FBXO25: variants seen among roughly 807,000 people sequenced by gnomAD.
The protein encoded by FBXO25 is F-box only protein 25.
Under a neutral mutation model 51.9 loss-of-function variants are expected in FBXO25, and 45 were observed. That is an observed-to-expected ratio of 0.87 (90% CI 0.68 to 1.11). The LOEUF is 1.11. Among genes scored for constraint, FBXO25 ranks in the 50% most tolerant of loss-of-function variants. The pLI, the probability that FBXO25 is intolerant of heterozygous loss-of-function variation, is 0.00. For synonymous variants in FBXO25, 199 were observed against 151.0 expected (o/e 1.32, Z -2.33); for missense variants, 507 against 428.5 (o/e 1.18, Z -1.62).
chr8:411,892 G>A (rs1261847687), intron 1 of FBXO25, among the ~76,000 whole-genome samples: 2 of 152,286 alleles, frequency 1.3e-5, no homozygotes, highest in African/African-American at 2.4e-5. Flanking sequence ...AGAATCACCT[G>A]TGGACCTTTA....
rs1796577319 is a variant in FBXO25 at position 413,022 on chromosome 8, A to G, written c.-7-51A>G. The stretch of plus-strand genomic sequence containing the variant: ...ATTAATAAATGTTCTAAGTGAAAAG[A>G]AACTTTTATGAATTATATATACTTT... On this transcript the variant is annotated intron_variant, in intron 1 of 9. Transcript: ENST00000350302. The G allele has an allele frequency of 3.9e-6, 5 of 1,285,962 alleles. No individual in the cohort carries two copies. The South Asian group carries it at 1.0e-4, about 26-fold the overall frequency. The allele number at this position is 1,285,962 out of a possible 1,614,324, so 79.7% of individuals were successfully genotyped here. A position where few individuals can be genotyped will look rare whatever the true frequency, so the allele number is the denominator to read the frequency against.
chr8:435,048 C>T (rs539820913), intron 4 of FBXO25, among the ~76,000 whole-genome samples: 1 of 152,152 alleles, frequency 6.6e-6, no homozygotes, highest in African/African-American at 2.4e-5. Flanking sequence ...CACCTTCTTG[C>T]TACCGAAGCA....
intron 9 of FBXO25, among the ~76,000 whole-genome samples, chr8:464,463 A>G (rs1390638553): frequency 1.3e-5 from 2 of 152,220 alleles, no homozygotes; most frequent in African/African-American, 2.4e-5. Context: ...CCTGGTCTAG[A>G]TGAGGCCCTG....
rs1800390359 is a variant in FBXO25, at chr8:469,235, A to C, written c.*431A>C. On this transcript the variant is annotated 3_prime_UTR_variant, in exon 10 of 10. Transcript: ENST00000350302. ...TGATCCTTGTAAATACATTGTACAG[A>C]ATATTTATTTTTTCTCAAAATGCAT... 1 of 155,816 alleles carries C rather than the reference A, an allele frequency of 6.4e-6. No homozygotes were observed. Among genetic ancestry groups the C allele is most frequent in the Non-Finnish European group, 1.4e-5 (1 of 70,596 alleles). 9.7% of individuals were successfully genotyped at this position (155,816 alleles called of 1,614,324 possible). A position where few individuals can be genotyped will look rare whatever the true frequency, so the allele number is the denominator to read the frequency against.
intron 7 of FBXO25, among the ~76,000 whole-genome samples, chr8:455,350 G>C (rs1254722970): frequency 1.3e-5 from 2 of 152,202 alleles, no homozygotes; most frequent in African/African-American, 2.4e-5. Context: ...CAGTGAAATG[G>C]GAAGAATGAA....
At position 469,672 on chromosome 8, in the gene FBXO25, T is replaced by G. The variant is rs539861916; in HGVS notation, c.*868T>G. 3 of 152,224 alleles carry G rather than the reference T, an allele frequency of 2.0e-5. No homozygotes were observed. The highest frequency in any genetic ancestry group is 7.2e-5 in the African/African-American group (3 of 41,514). The allele number at this position is 152,224 out of a possible 1,614,324, so 9.4% of individuals were successfully genotyped here. A position where few individuals can be genotyped will look rare whatever the true frequency, so the allele number is the denominator to read the frequency against. On this transcript the variant is annotated 3_prime_UTR_variant, in exon 10 of 10. Transcript: ENST00000350302. ...TCGTTTTTAAAATAACGCATGTCCA[T>G]TTTAGAAAATTAGAAAATCAGTCCC...
intron 2 of FBXO25, among the ~76,000 whole-genome samples, chr8:426,907 G>T (rs1797523639): frequency 6.6e-6 from 1 of 152,126 alleles, no homozygotes; most frequent in African/African-American, 2.4e-5. Context: ...AGATATTTAG[G>T]AAGGAAATGT....
chr8:465,277 C>A (rs951152229), intron 9 of FBXO25, among the ~76,000 whole-genome samples: 10 of 152,182 alleles, frequency 6.6e-5, no homozygotes, highest in Admixed American at 2.0e-4. Context: ...ACTGTGTCTT[C>A]AGTCACAGAG....
chr8:410,364 A>G (rs2117395198), intron 1 of FBXO25, among the ~76,000 whole-genome samples: 1 of 152,048 alleles, frequency 6.6e-6, no homozygotes, highest in South Asian at 2.1e-4. Context: ...TGGTGCTCAA[A>G]TGTTTGTCGT....
intron 2 of FBXO25, among the ~76,000 whole-genome samples, chr8:425,397 T>C (rs1007521852): frequency 2.0e-5 from 3 of 151,872 alleles, no homozygotes; most frequent in African/African-American, 7.2e-5. Flanking sequence ...CACTTGTAAC[T>C]TTCTTATTTT....
chr8:443,431 T>C (rs1798546493), intron 5 of FBXO25, among the ~76,000 whole-genome samples: 1 of 151,790 alleles, frequency 6.6e-6, no homozygotes, highest in Non-Finnish European at 1.5e-5. Flanking sequence ...AATAAAATTA[T>C]AAGTTGTGTA....
At chr8:447,272 G>C (rs144856751) in intron 5 of FBXO25, among the ~76,000 whole-genome samples, 1 of 152,092 alleles carries the variant, frequency 6.6e-6, no homozygotes, top group Non-Finnish European at 1.5e-5. Context: ...GGTAGCGGCT[G>C]GGGGAGAGAG....
chr8:458,752 C>T (rs913084307), intron 8 of FBXO25, among the ~76,000 whole-genome samples: 1 of 152,176 alleles, frequency 6.6e-6, no homozygotes, highest in Non-Finnish European at 1.5e-5. Flanking sequence ...TTGAATAGAA[C>T]CATGACTCTA....
At chr8:458,102 C>T (rs1228602071) in intron 7 of FBXO25, among the ~76,000 whole-genome samples, 3 of 152,234 alleles carry the variant, frequency 2.0e-5, no homozygotes, top group Non-Finnish European at 4.4e-5. Flanking sequence ...TGCTGACGCA[C>T]ACCTGTCGCA....
intron 2 of FBXO25, among the ~76,000 whole-genome samples, chr8:414,160 CA>C (rs1796656108): frequency 6.6e-6 from 1 of 152,170 alleles, no homozygotes; most frequent in Non-Finnish European, 1.5e-5. Context: ...ATTTTAGTTA[CA>C]GTGAGGATAA....
intron 7 of FBXO25, among the ~76,000 whole-genome samples, chr8:454,661 G>C (rs1242515530): frequency 6.6e-6 from 1 of 152,170 alleles, no homozygotes; most frequent in Non-Finnish European, 1.5e-5. Flanking sequence ...GGAGGCCGAG[G>C]TGGGCAGATC....
intron 2 of FBXO25, among the ~76,000 whole-genome samples, chr8:427,386 C>G (rs1406313512): frequency 1.3e-5 from 2 of 150,654 alleles, no homozygotes; most frequent in African/African-American, 2.5e-5. Context: ...GTTATATGAC[C>G]TTGGCACTTA....
At chr8:445,493 A>C (rs992239116) in intron 5 of FBXO25, among the ~76,000 whole-genome samples, 1 of 152,248 alleles carries the variant, frequency 6.6e-6, no homozygotes, top group Non-Finnish European at 1.5e-5. Flanking sequence ...CATGTGAGTT[A>C]TATCTATTAA....
chr8:419,709 A>C (rs1257960970), intron 2 of FBXO25, among the ~76,000 whole-genome samples: 3 of 152,222 alleles, frequency 2.0e-5, no homozygotes, highest in Non-Finnish European at 4.4e-5. Flanking sequence ...TGTAGAACTT[A>C]TGGAAGAAAC....
Sources: gnomAD v4.1 joint callset for allele counts (sites outside exome capture counted in the v4.1 genomes callset) on GRCh38, gnomAD v4.1.1 for gene constraint, MANE v1.5 for transcripts, NCBI Gene and HGNC (gene_info 2026-07-23, HGNC 2026-07-21) for gene names.